The following MCTP1 variants were observed in gnomAD, a reference collection of about 807,000 sequenced individuals.
MCTP1 encodes multiple C2 and transmembrane domain containing 1.
Under a neutral mutation model 120.6 loss-of-function variants are expected in MCTP1, and 69 were observed. The observed-to-expected ratio is 0.57, with a 90% CI of 0.47 to 0.70. The LOEUF (loss-of-function observed/expected upper bound fraction) is 0.70, where lower values mean the gene tolerates loss of function less well. Ranked by LOEUF, MCTP1 falls within the 30% of genes least tolerant of loss-of-function variation. MCTP1 has a pLI of 0.00. For missense variants in MCTP1, 1,203 were observed against 1,248.8 expected, an observed-to-expected ratio of 0.96 and a Z score of 0.55; for synonymous variants, 529 against 493.1, an observed-to-expected ratio of 1.07 and a Z score of -0.96.
At chr5:95,200,085 C>T (rs1264065945) in intron 1 of MCTP1, among the ~76,000 whole-genome samples, 2 of 151,158 alleles carry the variant, frequency 1.3e-5, no homozygotes. Context: ...CACTTGAACC[C>T]GGGAGGCGGA....
intron 19 of MCTP1, among the ~76,000 whole-genome samples, chr5:94,716,639 A>T (rs1351010073): frequency 6.6e-6 from 1 of 152,226 alleles, no homozygotes; most frequent in Admixed American, 6.5e-5. Context: ...GTACAATGAA[A>T]GTCCATTGAG....
intron 2 of MCTP1, among the ~76,000 whole-genome samples, chr5:94,991,876 T>G (rs1831613209): frequency 2.2e-5 from 1 of 44,504 alleles, no homozygotes; most frequent in Admixed American, 3.0e-4. Context: ...AAACTCCATC[T>G]CAAAAAAAAA....
chr5:95,044,141 T>C (rs2151929051), intron 1 of MCTP1, among the ~76,000 whole-genome samples: 1 of 152,258 alleles, frequency 6.6e-6, no homozygotes, highest in African/African-American at 2.4e-5. Flanking sequence ...TTGTCCTTGT[T>C]GAGGGTGTAT....
At chr5:94,833,564 T>G (rs76932312) in intron 17 of MCTP1, among the ~76,000 whole-genome samples, 8,981 of 152,204 alleles carry the variant, frequency 0.059, 542 homozygotes, top group African/African-American at 0.15. Flanking sequence ...TTTTTAAGAA[T>G]GAAAACAAAG....
chr5:94,951,211 C>T (rs377656572), intron 3 of MCTP1, among the ~76,000 whole-genome samples: 107 of 152,208 alleles, frequency 7.0e-4, no homozygotes, highest in African/African-American at 2.3e-3. Context: ...AGAACACCAC[C>T]ATTCTTTTTT....
At chr5:95,171,942 TTGC>T (rs1228023785) in intron 1 of MCTP1, among the ~76,000 whole-genome samples, 23 of 152,300 alleles carry the variant, frequency 1.5e-4, no homozygotes, top group Non-Finnish European at 2.6e-4. Context: ...GCTTGTTCCA[TTGC>T]TGGAGAGGAG....
intron 17 of MCTP1, among the ~76,000 whole-genome samples, chr5:94,809,844 C>T (rs148677741): frequency 6.6e-5 from 10 of 152,086 alleles, no homozygotes; most frequent in Non-Finnish European, 1.2e-4. Context: ...TGAAGCTTGC[C>T]TTTCTCTAGT....
At chr5:94,893,529 C>T (rs1803171756) in intron 11 of MCTP1, among the ~76,000 whole-genome samples, 2 of 152,150 alleles carry the variant, frequency 1.3e-5, no homozygotes, top group Admixed American at 1.3e-4. Flanking sequence ...CTCTATTAAA[C>T]TGTTTATGAT....
intron 1 of MCTP1, among the ~76,000 whole-genome samples, chr5:95,280,638 G>A (rs769008261): frequency 1.3e-5 from 2 of 152,054 alleles, no homozygotes; most frequent in Non-Finnish European, 2.9e-5. Context: ...GAATCAGTGG[G>A]AAGAAAGGGA....
chr5:95,061,407 G>GGTTGTTTTTT (rs749862250), intron 1 of MCTP1, among the ~76,000 whole-genome samples: 2 of 67,858 alleles, frequency 2.9e-5, no homozygotes, highest in Admixed American at 2.3e-4. Flanking sequence ...ACCCCTTAAG[G>GGTTGTTTTTT]GTTTTTTTTT....
At chr5:94,836,328 C>T (rs1789780365) in intron 17 of MCTP1, among the ~76,000 whole-genome samples, 1 of 152,072 alleles carries the variant, frequency 6.6e-6, no homozygotes. Flanking sequence ...CTAACCAGTC[C>T]TCCAGGGCTT....
At chr5:95,068,924 C>G (rs1182232239) in intron 1 of MCTP1, 3 of 483,492 alleles carry the variant, frequency 6.2e-6, no homozygotes, top group Non-Finnish European at 9.2e-6. Flanking sequence ...GCGAATTAGG[C>G]TTAGTTCCAG....
At chr5:94,743,833 G>A (rs541030575) in intron 19 of MCTP1, among the ~76,000 whole-genome samples, 3 of 151,670 alleles carry the variant, frequency 2.0e-5, no homozygotes, top group Non-Finnish European at 4.4e-5. Context: ...TAGAGACGGG[G>A]TTTCACCATG....
Position 94,969,291 on chromosome 5 carries a change from T to A in MCTP1, c.839-15930A>T, listed in dbSNP as rs375017966. Among the ~76,000 whole-genome samples the A allele has an allele frequency of 1.7e-3, 264 of 152,278 alleles. 1 individual carries two copies. Among genetic ancestry groups the A allele is most frequent in the African/African-American group, 5.6e-3 (234 of 41,578 alleles). On this transcript the variant is annotated intron_variant, in intron 2 of 22. Transcript: ENST00000515393. ...TTTAAGACAACACAACTAAACGTGG[T>A]CTGAATGTGTCCATTTTTATGTAGC...
At chr5:95,114,791 C>A (rs1464616087) in intron 1 of MCTP1, among the ~76,000 whole-genome samples, 2 of 152,166 alleles carry the variant, frequency 1.3e-5, no homozygotes, top group Non-Finnish European at 1.5e-5. Flanking sequence ...AGCCCCAGGG[C>A]CTTGCACGAA....
At chr5:95,001,334 T>C (rs963483594) in intron 2 of MCTP1, among the ~76,000 whole-genome samples, 1 of 152,122 alleles carries the variant, frequency 6.6e-6, no homozygotes, top group Admixed American at 6.5e-5. Flanking sequence ...GGAAGTGACT[T>C]TGGAACTCGG....
rs1388509199 is a variant in MCTP1 at position 95,284,468 on chromosome 5, C to T, written c.108G>A (p.Lys36=). 6.6e-6 allele frequency: 10 copies of T among 1,515,480 alleles called. No homozygotes were observed. The East Asian group carries it at 2.3e-4, about 35-fold the overall frequency. 93.9% of individuals were successfully genotyped at this position (1,515,480 alleles called of 1,614,324 possible). Residue 36 remains lysine (K), a synonymous_variant, in exon 1 of 23, where the codon AAG becomes AAA. Coordinates refer to ENST00000515393, the MANE Select transcript of MCTP1 (RefSeq NM_024717.7). This position sits in a 1 kb window ranked among gnomAD's most constrained non-coding sequence, Gnocchi z 5.2. The part of the protein sequence containing the change: ...KNLQLGVGRS[K]GGGGGRAGGP... Reference sequence around the variant, plus strand: ...CCCCAGCGCGCCCGCCCCCGCCGCCCTTGCTCCTGCCCACCCCCAGCTGCA... The same window carrying T: ...CCCCAGCGCGCCCGCCCCCGCCGCCTTTGCTCCTGCCCACCCCCAGCTGCA...
At chr5:94,803,092 T>G (rs1245207205) in intron 17 of MCTP1, among the ~76,000 whole-genome samples, 1 of 152,186 alleles carries the variant, frequency 6.6e-6, no homozygotes, top group Non-Finnish European at 1.5e-5. Flanking sequence ...CATGCCCAAT[T>G]CCAAACAAAA....
chr5:94,725,973 T>G (rs1176083906), intron 19 of MCTP1, among the ~76,000 whole-genome samples: 1 of 152,206 alleles, frequency 6.6e-6, no homozygotes, highest in African/African-American at 2.4e-5. Context: ...GTATTAAATC[T>G]TAATAAAGAC....
Sources: gnomAD v4.1 joint callset for allele counts (sites outside exome capture counted in the v4.1 genomes callset) on GRCh38, gnomAD v4.1.1 for gene constraint, Gnocchi (gnomAD v3.1) non-coding constraint, MANE v1.5 for transcripts, NCBI Gene and HGNC (gene_info 2026-07-23, HGNC 2026-07-21) for gene names.